Variants in SGCD observed in about 807,000 individuals in gnomAD.
SGCD encodes the protein sarcoglycan delta, also known as delta-sarcoglycan.
A neutral mutation model predicts 36.6 loss-of-function variants in SGCD; 18 were observed. The ratio of observed to expected loss-of-function variants is 0.49; its 90% CI spans 0.34 to 0.73. The LOEUF (loss-of-function observed/expected upper bound fraction) is 0.73, where lower values mean the gene tolerates loss of function less well. SGCD is among the 30% of genes least tolerant of loss of function. SGCD has a pLI of 0.01. For synonymous variants in SGCD, 133 were observed against 130.6 expected, an observed-to-expected ratio of 1.02 and a Z score of -0.12; for missense variants, 387 against 346.7, an observed-to-expected ratio of 1.12 and a Z score of -0.92.
At chr5:156,055,930 C>T (rs1010358024) in intron 1 of SGCD, among the ~76,000 whole-genome samples, 3 of 146,122 alleles carry the variant, frequency 2.1e-5, no homozygotes, top group Non-Finnish European at 3.1e-5. Context: ...TGACTTCTAA[C>T]GACTTAGAGG....
At chr5:156,721,653 G>C (rs1469086995) in intron 7 of SGCD, among the ~76,000 whole-genome samples, 1 of 152,138 alleles carries the variant, frequency 6.6e-6, no homozygotes, top group African/African-American at 2.4e-5. Flanking sequence ...AAGCAAGAGA[G>C]AAAGAAAAAT....
chr5:156,069,999 A>G (rs1020244847), intron 1 of SGCD, among the ~76,000 whole-genome samples: 2 of 152,008 alleles, frequency 1.3e-5, no homozygotes, highest in African/African-American at 4.8e-5. Context: ...AGAGTTTACC[A>G]AAGTTGCTTA....
intron 6 of SGCD, among the ~76,000 whole-genome samples, chr5:156,621,681 A>G (rs1046826286): frequency 6.6e-6 from 1 of 152,270 alleles, no homozygotes; most frequent in African/African-American, 2.4e-5. Context: ...CGTTGGAAGC[A>G]CTAAATGTGG....
the SGCD span, among the ~76,000 whole-genome samples, chr5:155,841,398 T>G: frequency 5.5e-3 from 843 of 152,338 alleles, 5 homozygotes; most frequent in African/African-American, 0.02. Context: ...AACAACCTTC[T>G]CAAACTTTTG....
chr5:155,738,707 TGTGA>T, the SGCD span, among the ~76,000 whole-genome samples: 140 of 147,874 alleles, frequency 9.5e-4, no homozygotes, highest in African/African-American at 2.4e-3. Context: ...TATGAGAGTG[TGTGA>T]GTGTGAGAGA....
chr5:155,973,528 G>A (rs557620392), intron 1 of SGCD, among the ~76,000 whole-genome samples: 2 of 152,294 alleles, frequency 1.3e-5, no homozygotes, highest in Non-Finnish European at 2.9e-5. Context: ...TCTAAATTAA[G>A]GGGATTGGAA....
intron 3 of SGCD, among the ~76,000 whole-genome samples, chr5:156,489,096 C>T (rs1755827622): frequency 1.3e-5 from 2 of 151,964 alleles, no homozygotes; most frequent in South Asian, 2.1e-4. Context: ...AGATAAAACA[C>T]ACTTTAAATC....
At chr5:155,895,641 T>C (rs962801498) in intron 1 of SGCD, among the ~76,000 whole-genome samples, 51 of 151,642 alleles carry the variant, frequency 3.4e-4, no homozygotes, top group African/African-American at 1.1e-3. Context: ...GTGAAAGAAC[T>C]GTCAAATTTG....
the SGCD span, among the ~76,000 whole-genome samples, chr5:155,787,741 A>G: frequency 1.6e-3 from 245 of 152,182 alleles, 1 homozygote; most frequent in Middle Eastern, 6.8e-3. Context: ...TTATAGCTAC[A>G]TGGCACCGGA....
At chr5:156,596,179 C>CG (rs1760919247) in intron 6 of SGCD, among the ~76,000 whole-genome samples, 2 of 152,162 alleles carry the variant, frequency 1.3e-5, no homozygotes, top group African/African-American at 4.8e-5. Context: ...GTAGGTGCTG[C>CG]TGCTGCTGTT....
chr5:156,332,432 C>A (rs1768113323), intron 2 of SGCD, among the ~76,000 whole-genome samples: 1 of 152,172 alleles, frequency 6.6e-6, no homozygotes, highest in Admixed American at 6.5e-5. Flanking sequence ...AGGGCATATG[C>A]CTACCTCATT....
At chr5:156,039,840 T>C (rs1243248602) in intron 1 of SGCD, among the ~76,000 whole-genome samples, 1 of 152,154 alleles carries the variant, frequency 6.6e-6, no homozygotes, top group Non-Finnish European at 1.5e-5. Context: ...TTGGCTCTTG[T>C]CATGACTCCT....
At chr5:156,569,571 G>A (rs940875929) in intron 4 of SGCD, among the ~76,000 whole-genome samples, 25 of 149,672 alleles carry the variant, frequency 1.7e-4, no homozygotes, top group Non-Finnish European at 3.0e-4. Flanking sequence ...CAGCCTGGGC[G>A]ACAGAGTGCA....
chr5:156,368,160 C>T (rs1412858087), intron 3 of SGCD, among the ~76,000 whole-genome samples: 1 of 151,802 alleles, frequency 6.6e-6, no homozygotes. Context: ...GGCACGATCT[C>T]GGCTCACTGC....
chr5:156,584,827 T>G (rs1218282658), intron 4 of SGCD, among the ~76,000 whole-genome samples: 1 of 152,240 alleles, frequency 6.6e-6, no homozygotes, highest in Non-Finnish European at 1.5e-5. Context: ...GCTTGCCTTT[T>G]GAAAACTGAC....
At position 156,404,214 on chromosome 5, in the gene SGCD, G is replaced by A. The variant is rs188169358; in HGVS notation, c.192+59537G>A. Among the ~76,000 whole-genome samples, 28 of 152,118 alleles carry A rather than the reference G, an allele frequency of 1.8e-4. No individual in the cohort carries two copies. The East Asian group carries it at 4.8e-3, about 26-fold the overall frequency. ...GAATGTTGTTCCCATTCCCTTCATC[G>A]GCTTACCTGTATTATGTGTATATAA... On this transcript the variant is annotated intron_variant, in intron 3 of 8. Coordinates refer to ENST00000337851, the MANE Select transcript of SGCD (RefSeq NM_000337.6).
chr5:156,697,773 A>T (rs1255748078), intron 7 of SGCD, among the ~76,000 whole-genome samples: 1 of 150,598 alleles, frequency 6.6e-6, no homozygotes, highest in Non-Finnish European at 1.5e-5. Flanking sequence ...GGATGGATGG[A>T]TGGATGGATG....
At chr5:156,111,919 C>T (rs1761797473) in intron 1 of SGCD, among the ~76,000 whole-genome samples, 1 of 152,026 alleles carries the variant, frequency 6.6e-6, no homozygotes, top group Admixed American at 6.6e-5. Flanking sequence ...GCCAAGACTA[C>T]AGGCACGTGC....
intron 3 of SGCD, among the ~76,000 whole-genome samples, chr5:156,391,737 G>T (rs1425929247): frequency 6.6e-6 from 1 of 152,202 alleles, no homozygotes; most frequent in Admixed American, 6.5e-5. Context: ...ATCTGCTGCA[G>T]ATACTAAGGG....
Sources: gnomAD v4.1 joint callset for allele counts (sites outside exome capture counted in the v4.1 genomes callset) on GRCh38, gnomAD v4.1.1 for gene constraint, MANE v1.5 for transcripts, NCBI Gene and HGNC (gene_info 2026-07-23, HGNC 2026-07-21) for gene names.